The following KTN1 variants were observed in gnomAD, a reference collection of about 807,000 sequenced individuals.
The protein encoded by KTN1 is kinectin 1, also known as kinectin.
In KTN1, 130 loss-of-function variants were observed where a neutral mutation model predicts 222.5. That is an observed-to-expected ratio of 0.58 (90% CI 0.51 to 0.68). The LOEUF (loss-of-function observed/expected upper bound fraction) is 0.68, where lower values mean the gene tolerates loss of function less well. Ranked by LOEUF, KTN1 falls within the 30% of genes least tolerant of loss-of-function variation. The pLI is 0.00. For synonymous variants in KTN1, 512 were observed against 496.3 expected, an observed-to-expected ratio of 1.03 and a Z score of -0.42; for missense variants, 1,508 against 1,500.4, an observed-to-expected ratio of 1.01 and a Z score of -0.08.
rs1250603025 is a variant in KTN1 at position 55,672,464 on chromosome 14, CA to C, written c.3532-164del. 12 of 526,002 alleles carry C rather than the reference CA, an allele frequency of 2.3e-5. No homozygotes were observed. The African/African-American group carries it at 2.3e-4, about 10-fold the overall frequency. The allele number at this position is 526,002 out of a possible 1,614,324, so 32.6% of individuals were successfully genotyped here. Reference sequence around the variant, plus strand: ...AGTAGGTTTGGACCACAATTTAAATCAAGTTCAATGTGACTCATTTTTAAGG... The same window carrying C: ...AGTAGGTTTGGACCACAATTTAAATCAGTTCAATGTGACTCATTTTTAAGG... On this transcript the variant is annotated intron_variant, in intron 37 of 43. Coordinates refer to ENST00000395314, the MANE Select transcript of KTN1 (RefSeq NM_001079521.2).
At chr14:55,681,074 T>C (rs2046323505) in intron 43 of KTN1, 1 of 199,062 alleles carries the variant, frequency 5.0e-6, no homozygotes, top group Admixed American at 5.3e-5. Flanking sequence ...TTTTTTACTA[T>C]TTAGTATTCT....
intron 1 of KTN1, among the ~76,000 whole-genome samples, chr14:55,598,673 A>G (rs1218441442): frequency 3.3e-5 from 5 of 152,194 alleles, no homozygotes; most frequent in Non-Finnish European, 7.3e-5. Context: ...TTCTGTGGCA[A>G]TTAATGGTCA....
At chr14:55,626,019 T>C (rs1423624537) in intron 5 of KTN1, among the ~76,000 whole-genome samples, 4 of 152,204 alleles carry the variant, frequency 2.6e-5, no homozygotes, top group African/African-American at 9.7e-5. Context: ...TACTATAATA[T>C]GGCTTGACAT....
intron 1 of KTN1, among the ~76,000 whole-genome samples, chr14:55,598,315 G>A (rs2035390496): frequency 6.6e-6 from 1 of 151,702 alleles, no homozygotes; most frequent in South Asian, 2.1e-4. Flanking sequence ...GGCGCCTGTA[G>A]TCCCAGCTAC....
intron 1 of KTN1, among the ~76,000 whole-genome samples, chr14:55,588,486 A>T (rs573611819): frequency 6.6e-6 from 1 of 152,322 alleles, no homozygotes; most frequent in Admixed American, 6.5e-5. Flanking sequence ...TGTGCTAAAA[A>T]TGATGAAAAA....
At chr14:55,599,981 A>G (rs537432488) in intron 1 of KTN1, among the ~76,000 whole-genome samples, 12 of 152,000 alleles carry the variant, frequency 7.9e-5, no homozygotes, top group Middle Eastern at 3.4e-3. Flanking sequence ...TTTGCCTTTA[A>G]TTGGGTGTTC....
At chr14:55,636,406 G>T in intron 9 of KTN1, 43 bp from the exon 10 acceptor site, 1 of 1,437,642 alleles carries the variant, frequency 7.0e-7, no homozygotes, top group Non-Finnish European at 9.7e-7. Flanking sequence ...TAGAAATTCT[G>T]TGTTTGTGCT....
At chr14:55,644,784 G>A (rs1312584738) in intron 18 of KTN1, among the ~76,000 whole-genome samples, 1 of 151,982 alleles carries the variant, frequency 6.6e-6, no homozygotes, top group Admixed American at 6.6e-5. Flanking sequence ...GGAAACAGTA[G>A]GATTGGATTA....
At position 55,670,242 on chromosome 14, in the gene KTN1, A is replaced by G. The variant is rs79870350; in HGVS notation, c.3268-487A>G. Among the ~76,000 whole-genome samples the G allele has an allele frequency of 4.3e-3, 654 of 152,192 alleles. 3 individuals are homozygous for G. The highest frequency in any genetic ancestry group is 0.017 in the Middle Eastern group (5 of 294). Reference sequence around the variant, plus strand: ...TTTAGAGTCCTTGGAGCATTTTCACAGAATTTGAAATCCTCCAAATGGAAC... The same window carrying G: ...TTTAGAGTCCTTGGAGCATTTTCACGGAATTTGAAATCCTCCAAATGGAAC... On this transcript the variant is annotated intron_variant, in intron 34 of 43. Coordinates refer to ENST00000395314, the MANE Select transcript of KTN1 (RefSeq NM_001079521.2).
At chr14:55,603,966 G>A (rs1488908562) in intron 1 of KTN1, among the ~76,000 whole-genome samples, 1 of 152,132 alleles carries the variant, frequency 6.6e-6, no homozygotes, top group Admixed American at 6.5e-5. Flanking sequence ...TCAAAAATTT[G>A]ACCATCTCAC....
chr14:55,622,442 A>G (rs991352836), intron 5 of KTN1, among the ~76,000 whole-genome samples: 1 of 152,184 alleles, frequency 6.6e-6, no homozygotes, highest in African/African-American at 2.4e-5. Flanking sequence ...CAACATCTAT[A>G]TTCTTATGGG....
At chr14:55,649,844 T>A in intron 22 of KTN1, 31 bp downstream of exon 22, 2 of 1,338,776 alleles carry the variant, frequency 1.5e-6, no homozygotes, top group East Asian at 2.4e-5. Flanking sequence ...AAACTGGTTT[T>A]TCTTCTTTGG....
chr14:55,666,497 T>A (rs1462682283), intron 33 of KTN1, among the ~76,000 whole-genome samples: 4 of 151,860 alleles, frequency 2.6e-5, no homozygotes, highest in Non-Finnish European at 5.9e-5. Context: ...TTACCCTAAT[T>A]TTGACAAACC....
intron 35 of KTN1, 84 bp downstream of exon 35, chr14:55,670,893 A>G (rs771800099): frequency 6.7e-5 from 58 of 862,774 alleles, no homozygotes; most frequent in Non-Finnish European, 9.8e-5. Flanking sequence ...CTTGGAAAAG[A>G]TAAAAGATAA....
intron 32 of KTN1, 68 bp downstream of exon 32, chr14:55,661,680 A>T (rs952208966): frequency 4.7e-4 from 357 of 763,228 alleles, no homozygotes; most frequent in Non-Finnish European, 7.2e-4. Context: ...TGGTTCAGGA[A>T]TTTTTTTTAA....
chr14:55,639,325 C>G, intron 13 of KTN1, 103 bp downstream of exon 13: 1 of 636,144 alleles, frequency 1.6e-6, no homozygotes, highest in African/African-American at 1.9e-5. Context: ...ACGACCTGTT[C>G]AGAAAATACT....
intron 29 of KTN1, among the ~76,000 whole-genome samples, chr14:55,658,304 A>C (rs2043725148): frequency 6.6e-6 from 1 of 152,160 alleles, no homozygotes; most frequent in Non-Finnish European, 1.5e-5. Flanking sequence ...AAATTCTTAG[A>C]GCTATTTCGG....
intron 22 of KTN1, 95 bp downstream of exon 22, chr14:55,649,908 C>T (rs1225512819): frequency 1.5e-6 from 1 of 653,460 alleles, no homozygotes; most frequent in Non-Finnish European, 2.6e-6. Flanking sequence ...GCAGTTGGGA[C>T]AGCTGATGTA....
intron 43 of KTN1, 175 bp downstream of exon 43, chr14:55,679,860 C>T (rs1285387531): frequency 3.1e-6 from 2 of 643,130 alleles, no homozygotes; most frequent in Admixed American, 6.2e-5. Flanking sequence ...TTGTGCATAT[C>T]TTGAAGGTCT....
Sources: gnomAD v4.1 joint callset for allele counts (sites outside exome capture counted in the v4.1 genomes callset) on GRCh38, gnomAD v4.1.1 for gene constraint, MANE v1.5 for transcripts, NCBI Gene and HGNC (gene_info 2026-07-23, HGNC 2026-07-21) for gene names.